ATXN7: variants seen among roughly 807,000 people sequenced by gnomAD.
ATXN7 encodes ataxin-7.
In ATXN7, 12 loss-of-function variants were observed where a neutral mutation model predicts 70.5. That is an observed-to-expected ratio of 0.17 (90% CI 0.11 to 0.28). The LOEUF (loss-of-function observed/expected upper bound fraction) is 0.28. Ranked by LOEUF, ATXN7 falls within the 10% of genes least tolerant of loss-of-function variation. The pLI, the probability that ATXN7 is intolerant of heterozygous loss-of-function variation, is 1.00. For synonymous variants in ATXN7, 498 were observed against 448.7 expected (o/e 1.11, Z -1.39); for missense variants, 1,256 against 1,131.7 (o/e 1.11, Z -1.58).
At chr3:63,874,938 G>C (rs768557549) in intron 1 of ATXN7, among the ~76,000 whole-genome samples, 1 of 152,018 alleles carries the variant, frequency 6.6e-6, no homozygotes, top group East Asian at 1.9e-4. Flanking sequence ...TGTCTGATGA[G>C]GGCTTGTTTC....
chr3:63,910,643 G>A (rs1379928685), intron 2 of ATXN7, among the ~76,000 whole-genome samples: 1 of 152,140 alleles, frequency 6.6e-6, no homozygotes, highest in Admixed American at 6.6e-5. Context: ...CTCATTGATA[G>A]TCTTATGGAG....
intron 7 of ATXN7, 39 bp downstream of exon 7, chr3:63,982,484 A>AT (rs778255979): frequency 6.6e-7 from 1 of 1,505,600 alleles, no homozygotes; most frequent in Non-Finnish European, 9.1e-7. Context: ...GCTTCTCTAT[A>AT]TATTAAATGG....
intron 2 of ATXN7, chr3:63,901,917 C>T (rs1483503463): frequency 6.6e-6 from 1 of 152,124 alleles, no homozygotes; most frequent in Non-Finnish European, 1.5e-5. Flanking sequence ...TATGTGGTTT[C>T]ATTTAATATT....
At position 63,890,897 on chromosome 3, in the gene ATXN7, T is replaced by G. The variant is rs11927702; in HGVS notation, c.-110-7502T>G. 9.7e-3 allele frequency among the ~76,000 whole-genome samples: 1,476 copies of G among 152,286 alleles called. 18 individuals are homozygous for G. Among genetic ancestry groups the G allele is most frequent in the African/African-American group, 0.032 (1,329 of 41,560 alleles). On this transcript the variant is annotated intron_variant, in intron 1 of 12. Transcript: ENST00000674280. ...CTGTAAGTACTTGGAGCCCTTTCCA[T>G]TTGACCAACAGAGGGTAGGAGAGAC...
At chr3:63,942,302 G>A (rs975329666) in intron 4 of ATXN7, among the ~76,000 whole-genome samples, 7 of 152,174 alleles carry the variant, frequency 4.6e-5, no homozygotes, top group African/African-American at 1.7e-4. Context: ...CTGACTTTGT[G>A]ACATAAGGCA....
intron 4 of ATXN7, among the ~76,000 whole-genome samples, chr3:63,917,417 G>A (rs1014661200): frequency 2.6e-5 from 4 of 151,956 alleles, no homozygotes; most frequent in Admixed American, 2.6e-4. Flanking sequence ...AACTGATTAG[G>A]GTTTCTATAT....
At chr3:63,884,245 T>A (rs62251626) in intron 1 of ATXN7, among the ~76,000 whole-genome samples, 6 of 134,684 alleles carry the variant, frequency 4.5e-5, no homozygotes, top group Non-Finnish European at 8.0e-5. Context: ...ACACACATAC[T>A]CTCACACACA....
chr3:63,952,210 C>A (rs866930469), intron 4 of ATXN7, among the ~76,000 whole-genome samples, 169 bp from the exon 5 acceptor site: 2 of 152,216 alleles, frequency 1.3e-5, no homozygotes, highest in Non-Finnish European at 2.9e-5. Flanking sequence ...TAAAGTGTGT[C>A]TGTAAGCCTG....
intron 4 of ATXN7, among the ~76,000 whole-genome samples, chr3:63,925,224 G>A (rs1447646947): frequency 6.6e-6 from 1 of 152,152 alleles, no homozygotes; most frequent in Non-Finnish European, 1.5e-5. Context: ...GAAGAGTTTT[G>A]TCTTCCTTTT....
intron 4 of ATXN7, among the ~76,000 whole-genome samples, chr3:63,936,800 A>G (rs1404949997): frequency 1.3e-5 from 2 of 152,220 alleles, no homozygotes; most frequent in Non-Finnish European, 2.9e-5. Context: ...CTCCTTGAAT[A>G]CAGCTTGATT....
chr3:63,954,946 T>G (rs1295493983), intron 5 of ATXN7, among the ~76,000 whole-genome samples: 2 of 152,076 alleles, frequency 1.3e-5, no homozygotes, highest in Non-Finnish European at 2.9e-5. Context: ...TGACCTCAAG[T>G]GATTTGCCTG....
At position 63,995,713 on chromosome 3, in the gene ATXN7, G is replaced by C. The variant is rs765596783; in HGVS notation, c.1891G>C (p.Ala631Pro). 9.3e-6 allele frequency: 15 copies of C among 1,614,084 alleles called. No individual in the cohort carries two copies. Among genetic ancestry groups the C allele is most frequent in the Non-Finnish European group, 1.3e-5 (15 of 1,180,030 alleles). ...HGTTLNAQPA[A>P]SGAMDPVCSM... is the part of the protein sequence containing the mutation. ...AACCACACTAAATGCACAGCCTGCT[G>C]CTTCAGGGGCGATGGATCCTGTGTG... Residue 631 changes from alanine to proline, a missense_variant, in exon 12 of 13, where the codon GCT (alanine) becomes CCT (proline). By Grantham distance (27) the Ala-to-Pro change is conservative. Coordinates refer to ENST00000674280, the MANE Select transcript of ATXN7 (RefSeq NM_001377405.1).
intron 11 of ATXN7, among the ~76,000 whole-genome samples, chr3:63,992,266 T>G (rs1415260990): frequency 2.0e-5 from 3 of 152,246 alleles, no homozygotes; most frequent in Non-Finnish European, 4.4e-5. Flanking sequence ...AGAGCACTGT[T>G]ACTCTGCTTT....
At chr3:63,976,463 G>C (rs948461932) in intron 5 of ATXN7, among the ~76,000 whole-genome samples, 2 of 152,108 alleles carry the variant, frequency 1.3e-5, no homozygotes, top group East Asian at 3.9e-4. Flanking sequence ...AAATTCACAT[G>C]ATAGATTGTC....
chr3:63,972,929 C>A (rs1047134948), intron 5 of ATXN7, among the ~76,000 whole-genome samples: 1 of 152,172 alleles, frequency 6.6e-6, no homozygotes, highest in Non-Finnish European at 1.5e-5. Flanking sequence ...ATAAACAAGC[C>A]TGTAGCTGGT....
rs115633756 is a variant in ATXN7, at chr3:63,993,122, C to T, written c.1682+2263C>T. Among the ~76,000 whole-genome samples, 759 of 152,206 alleles carry T rather than the reference C, an allele frequency of 5.0e-3. 6 individuals are homozygous for T. The highest frequency in any genetic ancestry group is 0.017 in the African/African-American group (715 of 41,520). On this transcript the variant is annotated intron_variant, in intron 11 of 12. Coordinates refer to ENST00000674280, the MANE Select transcript of ATXN7 (RefSeq NM_001377405.1). Reference sequence around the variant, plus strand: ...GTCTCAGGCCAGTGGTGAAATTAGACCAGCACTTTCTCTGCAGCATGGCCA... The same window carrying T: ...GTCTCAGGCCAGTGGTGAAATTAGATCAGCACTTTCTCTGCAGCATGGCCA...
At chr3:63,870,833 G>A (rs1245739931) in intron 1 of ATXN7, among the ~76,000 whole-genome samples, 12 of 152,008 alleles carry the variant, frequency 7.9e-5, no homozygotes, top group Admixed American at 7.9e-4. Context: ...TGATATGTTT[G>A]GCTTTATAAA....
Position 63,912,590 on chromosome 3 carries a change from G to A in ATXN7, c.-9G>A, listed in dbSNP as rs547615608. On this transcript the variant is annotated splice_region_variant and 5_prime_UTR_variant, in exon 3 of 13. Coordinates refer to ENST00000674280, the MANE Select transcript of ATXN7 (RefSeq NM_001377405.1). ...CCCTTTTTTTTGTTACATTGTAGGA[G>A]CGGAAAGAATGTCGGAGCGGGCCGC... is the stretch of plus-strand genomic sequence containing the variant. 21,221 of 1,109,392 alleles carry A rather than the reference G, an allele frequency of 0.019. 196 individuals carry two copies. The highest frequency in any genetic ancestry group is 0.022 in the Non-Finnish European group (19,287 of 896,800). 68.7% of individuals were successfully genotyped at this position (1,109,392 alleles called of 1,614,324 possible). A position where few individuals can be genotyped will look rare whatever the true frequency, so the allele number is the denominator to read the frequency against.
rs1238328525 is a variant in ATXN7 at position 64,001,861 on chromosome 3, T to G, written c.*2394T>G. The G allele has an allele frequency of 2.0e-5, 3 of 152,232 alleles. No homozygotes were observed. The highest frequency in any genetic ancestry group is 7.2e-5 in the African/African-American group (3 of 41,460). The allele number at this position is 152,232 out of a possible 1,614,324, so 9.4% of individuals were successfully genotyped here. On this transcript the variant is annotated 3_prime_UTR_variant, in exon 13 of 13. Transcript: ENST00000674280. ...AAACACGGGAGTACAAGTATTTTTT[T>G]GAATTAAATTAACTTGCAAAAACCA...
Sources: allele counts gnomAD v4.1 joint callset (sites outside exome capture counted in the v4.1 genomes callset), GRCh38; gene constraint gnomAD v4.1.1; transcripts MANE v1.5; gene names NCBI Gene and HGNC (gene_info 2026-07-23, HGNC 2026-07-21).